The following CTNNA1 variants were observed in gnomAD, a reference collection of about 807,000 sequenced individuals.
The protein encoded by CTNNA1 is catenin alpha-1.
CTNNA1 carries 37 observed loss-of-function variants against 98.4 expected under a neutral mutation model. The observed-to-expected ratio is 0.38, with a 90% confidence interval of 0.29 to 0.49. The LOEUF is 0.49. CTNNA1 is among the 20% of genes least tolerant of loss of function. The pLI is 0.95. For missense variants in CTNNA1, 761 were observed against 1,147.2 expected (o/e 0.66, Z 4.86); for synonymous variants, 404 against 413.2 (o/e 0.98, Z 0.27).
Position 138,873,141 on chromosome 5 carries a change from G to C in CTNNA1, c.1063-13071G>C. The C allele has an allele frequency of 6.2e-7, 1 of 1,613,990 alleles. No individual in the cohort carries two copies. Among genetic ancestry groups the C allele is most frequent in the East Asian group, 2.2e-5 (1 of 44,886 alleles). ...CCTTGGTCTGACATGTTTGACATATGGAGTCGTGTTTGGGATCGGAGCTGC... is the reference window on the plus strand; with the variant it reads ...CCTTGGTCTGACATGTTTGACATATCGAGTCGTGTTTGGGATCGGAGCTGC... On this transcript the variant is annotated intron_variant, in intron 7 of 17. Coordinates refer to ENST00000302763, the MANE Select transcript of CTNNA1 (RefSeq NM_001903.5). The surrounding 1 kb of genome is among the most constrained non-coding windows in gnomAD (Gnocchi z 6.1).
intron 3 of CTNNA1, among the ~76,000 whole-genome samples, chr5:138,789,196 C>CTG (rs1561527774): frequency 1.3e-4 from 20 of 151,902 alleles, no homozygotes; most frequent in African/African-American, 4.8e-4. Context: ...TTTCCCCCCC[C>CTG]CCAGAGCTTA....
chr5:138,851,852 T>A (rs1270055339), intron 7 of CTNNA1, among the ~76,000 whole-genome samples: 1 of 152,014 alleles, frequency 6.6e-6, no homozygotes, highest in Non-Finnish European at 1.5e-5. Flanking sequence ...GGTCAGGAGT[T>A]CAAGACCAAT....
At chr5:138,889,841 T>A (rs941852930) in intron 9 of CTNNA1, among the ~76,000 whole-genome samples, 2 of 152,146 alleles carry the variant, frequency 1.3e-5, no homozygotes, top group Admixed American at 1.3e-4. Context: ...GACACTAGGA[T>A]GTATAATTGC....
chr5:138,787,293 G>A (rs2149668459), intron 3 of CTNNA1, among the ~76,000 whole-genome samples: 1 of 152,246 alleles, frequency 6.6e-6, no homozygotes, highest in South Asian at 2.1e-4. Context: ...AGCCGGGCGT[G>A]TTGGTGGGCA....
At chr5:138,794,603 A>G (rs150025858) in intron 3 of CTNNA1, among the ~76,000 whole-genome samples, 104 of 152,276 alleles carry the variant, frequency 6.8e-4, no homozygotes, top group South Asian at 3.5e-3. Context: ...TCCTTCTTAT[A>G]AGGGCTGTGT....
rs1249573631 is a variant in CTNNA1 at position 138,934,431 on chromosome 5, A to AATT, written c.*343_*345dup. The AATT allele has an allele frequency of 4.0e-6, 1 of 247,352 alleles. No individual in the cohort carries two copies. Among genetic ancestry groups the AATT allele is most frequent in the African/African-American group, 2.3e-5 (1 of 43,270 alleles). 15.3% of individuals were successfully genotyped at this position (247,352 alleles called of 1,614,324 possible). ...GCGGCGTTAGGGTTTGAGAGAAGGG[A>AATT]ATTTGGCTCAACTTCAGTTGAGAGG... On this transcript the variant is annotated 3_prime_UTR_variant, in exon 18 of 18. Transcript: ENST00000302763.
rs551702523 is a variant in CTNNA1 at position 138,781,339 on chromosome 5, A to G, written c.-2-584A>G. Among the ~76,000 whole-genome samples the G allele has an allele frequency of 6.7e-4, 102 of 152,286 alleles. 3 individuals are homozygous for G. Among genetic ancestry groups the G allele is most frequent in the Admixed American group, 6.6e-3 (101 of 15,284 alleles). On this transcript the variant is annotated intron_variant, in intron 1 of 17. Transcript: ENST00000302763. ...GCCGAGGCAGGTGGATCATGAGGTCAGGAGATCGAGACCATCATATCCTGG... is the reference window on the plus strand; with the variant it reads ...GCCGAGGCAGGTGGATCATGAGGTCGGGAGATCGAGACCATCATATCCTGG...
chr5:138,888,786 C>T (rs1032769267), intron 9 of CTNNA1, among the ~76,000 whole-genome samples: 11 of 151,932 alleles, frequency 7.2e-5, no homozygotes, highest in South Asian at 4.1e-4. Flanking sequence ...GTGATCTACC[C>T]GCCTTGGCCT....
At chr5:138,812,681 AAAGT>A (rs1758961132) in intron 5 of CTNNA1, among the ~76,000 whole-genome samples, 1 of 152,352 alleles carries the variant, frequency 6.6e-6, no homozygotes, top group Admixed American at 6.5e-5. Flanking sequence ...TCTGTATCAG[AAAGT>A]ATCTCCATAC....
Position 138,839,753 on chromosome 5 carries a change from A to G in CTNNA1, c.1062+12035A>G, listed in dbSNP as rs73263422. Reference sequence around the variant, plus strand: ...TTCAGTGGGACAGACAGGGTGGAGTATATTTATTACATTTAGCCAGAACCA... The same window carrying G: ...TTCAGTGGGACAGACAGGGTGGAGTGTATTTATTACATTTAGCCAGAACCA... On this transcript the variant is annotated intron_variant, in intron 7 of 17. Coordinates refer to ENST00000302763, the MANE Select transcript of CTNNA1 (RefSeq NM_001903.5). Among the ~76,000 whole-genome samples, 195 of 152,334 alleles carry G rather than the reference A, an allele frequency of 1.3e-3. 1 individual carries two copies. Among genetic ancestry groups the G allele is most frequent in the African/African-American group, 4.4e-3 (183 of 41,572 alleles).
In CTNNA1 at chr5:138,812,326, A is replaced by T. The variant is rs770436864; in HGVS notation, c.588+24A>T. 3 of 1,598,664 alleles carry T rather than the reference A, an allele frequency of 1.9e-6. No homozygotes were observed. In the South Asian group the frequency reaches 3.4e-5, roughly 18 times the overall value. On this transcript the variant is annotated intron_variant, in intron 5 of 17. Coordinates refer to ENST00000302763, the MANE Select transcript of CTNNA1 (RefSeq NM_001903.5). ...AGGTACAGTCATGATTTGGGGATAT[A>T]TTAAAGTTGTTCATTTTACTATCTA...
At chr5:138,774,241 T>G (rs1210789011) in intron 1 of CTNNA1, among the ~76,000 whole-genome samples, 1 of 151,844 alleles carries the variant, frequency 6.6e-6, no homozygotes, top group African/African-American at 2.4e-5. Flanking sequence ...CCCAGGCTGG[T>G]CTTGAACTCC....
chr5:138,833,965 A>G (rs954764405), intron 7 of CTNNA1, among the ~76,000 whole-genome samples: 2 of 152,224 alleles, frequency 1.3e-5, no homozygotes, highest in Non-Finnish European at 2.9e-5. Context: ...GAATATGACT[A>G]TGTTAATACA....
chr5:138,809,936 G>T lies in CTNNA1; in HGVS notation c.302-102G>T, dbSNP rs1017143152. On this transcript the variant is annotated intron_variant, in intron 3 of 17. Coordinates refer to ENST00000302763, the MANE Select transcript of CTNNA1 (RefSeq NM_001903.5). ...ATGAAAACTCTTAAACTAAATTTGT[G>T]CATGAAATATACAAAGTTTGGATTA... 13 of 1,379,318 alleles carry T rather than the reference G, an allele frequency of 9.4e-6. No individual in the cohort carries two copies. The African/African-American group carries it at 1.9e-4, about 20-fold the overall frequency. 85.4% of individuals were successfully genotyped at this position (1,379,318 alleles called of 1,614,324 possible). A position where few individuals can be genotyped will look rare whatever the true frequency, so the allele number is the denominator to read the frequency against.
rs953182037 is a variant in CTNNA1 at position 138,873,785 on chromosome 5, T to A, written c.1063-12427T>A. On this transcript the variant is annotated intron_variant, in intron 7 of 17. Transcript: ENST00000302763. The surrounding 1 kb of genome is among the most constrained non-coding windows in gnomAD (Gnocchi z 6.1). ...GGCTTTGATTTCATTTCCAGTCAGG[T>A]CTAGCTTTTCTAAAGTGCCCCAGGT... The A allele has an allele frequency of 2.4e-5, 38 of 1,613,890 alleles. No homozygotes were observed. Among genetic ancestry groups the A allele is most frequent in the Middle Eastern group, 3.3e-4 (2 of 6,084 alleles).
chr5:138,870,755 G>A (rs1309906805), intron 7 of CTNNA1: 3 of 152,168 alleles, frequency 2.0e-5, no homozygotes, highest in African/African-American at 4.8e-5. Flanking sequence ...CTGACAAATG[G>A]CAATGGTCAT....
At chr5:138,916,998 T>C (rs1366997401) in intron 10 of CTNNA1, among the ~76,000 whole-genome samples, 3 of 152,146 alleles carry the variant, frequency 2.0e-5, no homozygotes, top group Non-Finnish European at 2.9e-5. Flanking sequence ...GGTCTCGAAC[T>C]CCAGACCTCA....
intron 4 of CTNNA1, among the ~76,000 whole-genome samples, chr5:138,811,036 C>T (rs1437034688): frequency 3.1e-4 from 47 of 151,848 alleles, no homozygotes; most frequent in South Asian, 1.9e-3. Context: ...ACCTCCCTCC[C>T]GGACGGGGTG....
intron 7 of CTNNA1, among the ~76,000 whole-genome samples, chr5:138,831,992 G>C (rs570249198): frequency 1.3e-5 from 2 of 152,320 alleles, no homozygotes; most frequent in Admixed American, 6.5e-5. Context: ...GGAGGAGGCT[G>C]TGTGGTTTAT....
Sources: gnomAD v4.1 joint callset for allele counts (sites outside exome capture counted in the v4.1 genomes callset) on GRCh38, gnomAD v4.1.1 for gene constraint, Gnocchi (gnomAD v3.1) non-coding constraint, MANE v1.5 for transcripts, NCBI Gene and HGNC (gene_info 2026-07-23, HGNC 2026-07-21) for gene names.